ARHGAP18: variants seen among roughly 807,000 people sequenced by gnomAD.
ARHGAP18 encodes rho GTPase-activating protein 18.
A neutral mutation model predicts 86.2 loss-of-function variants in ARHGAP18; 67 were observed. That is an observed-to-expected ratio of 0.78 (90% CI 0.64 to 0.95). ARHGAP18 has a LOEUF of 0.95. Among genes scored for constraint, ARHGAP18 ranks in the 40% least tolerant of loss-of-function variants. The pLI is 0.00. For missense variants in ARHGAP18, 691 were observed against 780.4 expected (o/e 0.89, Z 1.37); for synonymous variants, 283 against 280.4 (o/e 1.01, Z -0.09).
chr6:129,590,755 A>C (rs1271528675), intron 12 of ARHGAP18, among the ~76,000 whole-genome samples: 1 of 152,194 alleles, frequency 6.6e-6, no homozygotes, highest in Non-Finnish European at 1.5e-5. Context: ...CTAGGCTGAC[A>C]TTCTCTGACC....
chr6:129,639,192 G>GC (rs1562705262), intron 2 of ARHGAP18, among the ~76,000 whole-genome samples: 1 of 151,900 alleles, frequency 6.6e-6, no homozygotes, highest in Non-Finnish European at 1.5e-5. Context: ...TTTTTACAAT[G>GC]TTTTTTTAAA....
At chr6:129,632,053 T>A (rs184514356) in intron 4 of ARHGAP18, among the ~76,000 whole-genome samples, 1 of 152,226 alleles carries the variant, frequency 6.6e-6, no homozygotes, top group Non-Finnish European at 1.5e-5. Context: ...GGGAAAACAT[T>A]TAAAAGAGAC....
chr6:129,645,921 T>C (rs937446880), intron 1 of ARHGAP18, among the ~76,000 whole-genome samples: 4 of 152,214 alleles, frequency 2.6e-5, no homozygotes, highest in African/African-American at 9.6e-5. Context: ...AGGTATATGC[T>C]ATCCCATTTT....
rs66753341 is a variant in ARHGAP18, at chr6:129,626,672, T to TACACACAC, written c.786+2673_786+2680dup. Among the ~76,000 whole-genome samples the TACACACAC allele has an allele frequency of 2.0e-3, 299 of 147,172 alleles. 1 individual carries two copies. Among genetic ancestry groups the TACACACAC allele is most frequent in the Middle Eastern group, 7.1e-3 (2 of 282 alleles). On this transcript the variant is annotated intron_variant, in intron 5 of 14. Transcript: ENST00000368149. ...GATGTACCCCCAAAACACACACACATACACACACACACACACACACACACA... is the reference window on the plus strand; with the variant it reads ...GATGTACCCCCAAAACACACACACATACACACACACACACACACACACACACACACACA...
chr6:129,661,512 G>GA (rs57799426), intron 1 of ARHGAP18, among the ~76,000 whole-genome samples: 10,171 of 136,354 alleles, frequency 0.075, 527 homozygotes, highest in African/African-American at 0.15. Flanking sequence ...CTCTTTAAAT[G>GA]AAAAAAAAAA....
intron 7 of ARHGAP18, among the ~76,000 whole-genome samples, chr6:129,612,956 G>A (rs368115163): frequency 9.2e-5 from 14 of 152,188 alleles, no homozygotes; most frequent in East Asian, 3.9e-4. Flanking sequence ...GGAGTAGGCC[G>A]GGCATGGTGG....
At chr6:129,654,238 A>T (rs2114512184) in intron 1 of ARHGAP18, among the ~76,000 whole-genome samples, 1 of 152,270 alleles carries the variant, frequency 6.6e-6, no homozygotes, top group Middle Eastern at 3.4e-3. Flanking sequence ...GGTAGAGAAA[A>T]ACACTTTTAA....
intron 1 of ARHGAP18, among the ~76,000 whole-genome samples, chr6:129,705,469 A>C (rs1277971492): frequency 6.6e-6 from 1 of 152,196 alleles, no homozygotes; most frequent in Non-Finnish European, 1.5e-5. Flanking sequence ...TGGTATAGGC[A>C]ATTGTTACCA....
chr6:129,667,167 C>T (rs1292729373), intron 1 of ARHGAP18, among the ~76,000 whole-genome samples: 4 of 152,080 alleles, frequency 2.6e-5, no homozygotes, highest in African/African-American at 9.7e-5. Flanking sequence ...GGGGAACCTA[C>T]ACTGCCCCAA....
At chr6:129,675,693 A>G (rs1774220428) in intron 1 of ARHGAP18, among the ~76,000 whole-genome samples, 1 of 152,206 alleles carries the variant, frequency 6.6e-6, no homozygotes, top group Admixed American at 6.5e-5. Context: ...GCCCTAAGAC[A>G]TTATGAGAGA....
At chr6:129,626,030 CTATA>C (rs1208046297) in intron 5 of ARHGAP18, among the ~76,000 whole-genome samples, 2 of 97,084 alleles carry the variant, frequency 2.1e-5, no homozygotes. Context: ...ATATAGCTAT[CTATA>C]TATATACACA....
chr6:129,683,258 A>G (rs534160246), intron 1 of ARHGAP18, among the ~76,000 whole-genome samples: 4 of 151,276 alleles, frequency 2.6e-5, no homozygotes, highest in African/African-American at 9.7e-5. Flanking sequence ...TTTTTAGTAG[A>G]GACCGGGTTT....
chr6:129,682,620 A>G (rs1356045228), intron 1 of ARHGAP18, among the ~76,000 whole-genome samples: 1 of 152,278 alleles, frequency 6.6e-6, no homozygotes, highest in Non-Finnish European at 1.5e-5. Context: ...CCCTAGAGAC[A>G]CAAAGCAACA....
chr6:129,641,619 G>A (rs1484084674), intron 2 of ARHGAP18, among the ~76,000 whole-genome samples, 197 bp downstream of exon 2: 10 of 152,168 alleles, frequency 6.6e-5, no homozygotes, highest in Admixed American at 6.5e-4. Flanking sequence ...CTATGACTAA[G>A]CTAACTTACT....
chr6:129,586,850 C>T (rs1290668276), intron 12 of ARHGAP18, among the ~76,000 whole-genome samples: 1 of 152,126 alleles, frequency 6.6e-6, no homozygotes, highest in Non-Finnish European at 1.5e-5. Context: ...TCTTTGTGTA[C>T]GTTCTACTCC....
chr6:129,681,224 C>A (rs1328236281), intron 1 of ARHGAP18, among the ~76,000 whole-genome samples: 1 of 152,158 alleles, frequency 6.6e-6, no homozygotes, highest in African/African-American at 2.4e-5. Context: ...ACTACAGGCA[C>A]GCACTGCCAT....
At chr6:129,590,492 T>C (rs951458663) in intron 12 of ARHGAP18, among the ~76,000 whole-genome samples, 5 of 152,080 alleles carry the variant, frequency 3.3e-5, no homozygotes, top group Non-Finnish European at 7.4e-5. Flanking sequence ...CACAGGCTGG[T>C]TTTTGCCAAG....
intron 2 of ARHGAP18, 87 bp downstream of exon 2, chr6:129,641,729 T>A: frequency 9.8e-7 from 1 of 1,016,334 alleles, no homozygotes; most frequent in Non-Finnish European, 1.4e-6. Context: ...CTAGCTTTAA[T>A]TTTTTTTTTG....
chr6:129,710,050 T>G lies in ARHGAP18; in HGVS notation c.87A>C (p.Ala29=). Residue 29 remains alanine, a synonymous_variant, in exon 1 of 15, where the codon GCA becomes GCC. Transcript: ENST00000368149. The part of the protein sequence containing the change: ...GKDQTVGNSH[A]KAGEEATSSR... Reference sequence around the variant, plus strand: ...TCGAGGTGGCTTCCTCCCCTGCCTTTGCATGGCTGTTCCCGACGGTCTGGT... The same window carrying G: ...TCGAGGTGGCTTCCTCCCCTGCCTTGGCATGGCTGTTCCCGACGGTCTGGT... 6.2e-7 allele frequency: 1 copy of G among 1,614,118 alleles called. No homozygotes were observed. Among genetic ancestry groups the G allele is most frequent in the Non-Finnish European group, 8.5e-7 (1 of 1,179,934 alleles).
Sources: gnomAD v4.1 joint callset for allele counts (sites outside exome capture counted in the v4.1 genomes callset) on GRCh38, gnomAD v4.1.1 for gene constraint, MANE v1.5 for transcripts, NCBI Gene and HGNC (gene_info 2026-07-23, HGNC 2026-07-21) for gene names.